Variants in SORD observed in about 807,000 individuals in gnomAD.
The protein encoded by SORD is sorbitol dehydrogenase, also known as (R,R)-butanediol dehydrogenase.
SORD carries 18 observed loss-of-function variants against 35.6 expected under a neutral mutation model. The observed-to-expected ratio is 0.51, with a 90% CI of 0.35 to 0.75. SORD has a LOEUF of 0.75. Among genes scored for constraint, SORD ranks in the 30% least tolerant of loss-of-function variants. SORD has a pLI of 0.01. For missense variants in SORD, 250 were observed against 390.2 expected, an observed-to-expected ratio of 0.64 and a Z score of 3.03; for synonymous variants, 106 against 152.9, an observed-to-expected ratio of 0.69 and a Z score of 2.26.
At chr15:45,055,691 G>A (rs201661773) in intron 3 of SORD, among the ~76,000 whole-genome samples, 2 of 151,916 alleles carry the variant, frequency 1.3e-5, no homozygotes, top group South Asian at 2.1e-4. Context: ...CAACCAAAAA[G>A]GAGAATTTTA....
chr15:45,036,486 G>T, intron 1 of SORD: 1 of 374,660 alleles, frequency 2.7e-6, no homozygotes, highest in Non-Finnish European at 5.2e-6. Flanking sequence ...GAGGCCAGGA[G>T]TTCGAGATCA....
intron 1 of SORD, among the ~76,000 whole-genome samples, chr15:45,034,900 C>A (rs541469568): frequency 6.6e-6 from 1 of 152,306 alleles, no homozygotes; most frequent in African/African-American, 2.4e-5. Context: ...TCCGGGTAGG[C>A]GTGGGCTTGG....
intron 2 of SORD, among the ~76,000 whole-genome samples, chr15:45,042,190 T>C (rs994401771): frequency 1.3e-5 from 2 of 152,160 alleles, no homozygotes; most frequent in African/African-American, 4.8e-5. Context: ...GTACCATCTT[T>C]ATTTTAAACT....
intron 3 of SORD, among the ~76,000 whole-genome samples, chr15:45,049,895 T>C (rs1893099866): frequency 6.6e-6 from 1 of 152,234 alleles, no homozygotes; most frequent in South Asian, 2.1e-4. Context: ...TTTTGAAGCA[T>C]ATTTTTCTCT....
intron 4 of SORD, among the ~76,000 whole-genome samples, chr15:45,062,315 C>T (rs1893330041): frequency 2.6e-5 from 4 of 152,364 alleles, no homozygotes; most frequent in Admixed American, 2.6e-4. Context: ...CTCCGATTCT[C>T]ACCCCTGAAA....
At chr15:45,030,437 G>C (rs1334890690) in intron 1 of SORD, among the ~76,000 whole-genome samples, 1 of 152,252 alleles carries the variant, frequency 6.6e-6, no homozygotes, top group African/African-American at 2.4e-5. Flanking sequence ...GAAGCTGGCA[G>C]TTTTCCCCAA....
chr15:45,059,613 C>T (rs1306412671), intron 3 of SORD, among the ~76,000 whole-genome samples: 1 of 152,146 alleles, frequency 6.6e-6, no homozygotes, highest in Non-Finnish European at 1.5e-5. Flanking sequence ...CCCACCTCAG[C>T]CTCCCAAGTA....
chr15:45,023,935 G>C (rs960824164), intron 1 of SORD, among the ~76,000 whole-genome samples: 1 of 152,160 alleles, frequency 6.6e-6, no homozygotes, highest in Non-Finnish European at 1.5e-5. Context: ...CCCCTTGCCT[G>C]TGCCAGACTT....
rs374256612 is a variant in SORD, at chr15:45,073,351, G to A, written c.909-14G>A. On this transcript the variant is annotated splice_polypyrimidine_tract_variant and intron_variant, in intron 8 of 8. Transcript: ENST00000267814. Reference sequence around the variant, plus strand: ...CTCTTGAAGGTTGAATATAATGCTCGTGCTCTTTTACAGGTGGCCAGTGGC... The same window carrying A: ...CTCTTGAAGGTTGAATATAATGCTCATGCTCTTTTACAGGTGGCCAGTGGC... 1.7e-5 allele frequency: 22 copies of A among 1,277,180 alleles called. No homozygotes were observed. Among genetic ancestry groups the A allele is most frequent in the Admixed American group, 2.4e-5 (1 of 40,848 alleles). The allele number at this position is 1,277,180 out of a possible 1,614,324, so 79.1% of individuals were successfully genotyped here.
At chr15:45,035,025 G>A (rs1400135275) in intron 1 of SORD, among the ~76,000 whole-genome samples, 2 of 152,126 alleles carry the variant, frequency 1.3e-5, no homozygotes, top group African/African-American at 4.8e-5. Flanking sequence ...GTGCCGGCCC[G>A]CCGGCGCTGC....
intron 3 of SORD, among the ~76,000 whole-genome samples, chr15:45,052,950 G>T (rs373561336): frequency 6.6e-6 from 1 of 152,168 alleles, no homozygotes; most frequent in Non-Finnish European, 1.5e-5. Flanking sequence ...ATCTTGGGGG[G>T]TCATCTCAAG....
chr15:45,023,809 C>T (rs902019489), intron 1 of SORD, among the ~76,000 whole-genome samples: 3 of 152,174 alleles, frequency 2.0e-5, no homozygotes, highest in African/African-American at 7.2e-5. Flanking sequence ...GATAAACCTC[C>T]CTTGCAGGAT....
intron 1 of SORD, among the ~76,000 whole-genome samples, chr15:45,028,910 T>C (rs145954430): frequency 2.3e-3 from 343 of 152,336 alleles, no homozygotes; most frequent in African/African-American, 8.0e-3. Flanking sequence ...GGCATGAACA[T>C]GGGCAGCTCA....
intron 3 of SORD, among the ~76,000 whole-genome samples, chr15:45,046,223 A>T (rs957748489): frequency 3.0e-4 from 46 of 151,934 alleles, no homozygotes; most frequent in Non-Finnish European, 5.4e-4. Context: ...GTCAGAGGAG[A>T]TAGAAGGAAG....
chr15:45,035,891 G>A (rs1352873525), intron 1 of SORD, among the ~76,000 whole-genome samples: 3 of 151,426 alleles, frequency 2.0e-5, no homozygotes, highest in Non-Finnish European at 4.4e-5. Flanking sequence ...CCCACCAGAA[G>A]GAAGAAACTC....
intron 3 of SORD, among the ~76,000 whole-genome samples, chr15:45,060,293 C>T (rs904969500): frequency 1.3e-5 from 2 of 152,096 alleles, no homozygotes; most frequent in African/African-American, 4.8e-5. Flanking sequence ...GGAGGGTATC[C>T]AGGTGTTCGC....
At position 45,061,776 on chromosome 15, in the gene SORD, G is replaced by A. The variant is rs1484916775; in HGVS notation, c.425+550G>A. ...CCCAGCTACTTGGGAGGCTGAGGCA[G>A]GAGAATGGCTTGAACACGGGAGGTG... is the stretch of plus-strand genomic sequence containing the variant. On this transcript the variant is annotated intron_variant, in intron 4 of 8. Transcript: ENST00000267814. Among the ~76,000 whole-genome samples the A allele has an allele frequency of 1.3e-5, 2 of 152,088 alleles. 1 individual carries two copies. The highest frequency in any genetic ancestry group is 2.9e-5 in the Non-Finnish European group (2 of 67,952).
chr15:45,026,114 C>T (rs1892664547), intron 1 of SORD, among the ~76,000 whole-genome samples: 2 of 152,300 alleles, frequency 1.3e-5, no homozygotes, highest in South Asian at 2.1e-4. Context: ...TCTGGGCCCT[C>T]GCCACTCCTT....
intron 2 of SORD, among the ~76,000 whole-genome samples, chr15:45,040,970 A>C (rs1281233140): frequency 1.3e-5 from 2 of 152,180 alleles, no homozygotes; most frequent in Non-Finnish European, 2.9e-5. Flanking sequence ...GAGGTGCTGC[A>C]TGGGTCCCTG....
Sources: allele counts gnomAD v4.1 joint callset (sites outside exome capture counted in the v4.1 genomes callset), GRCh38; gene constraint gnomAD v4.1.1; transcripts MANE v1.5; gene names NCBI Gene and HGNC (gene_info 2026-07-23, HGNC 2026-07-21).